Variants in AHR observed in about 807,000 individuals in gnomAD.
The protein encoded by AHR is aryl hydrocarbon receptor.
In AHR, 40 loss-of-function variants were observed where a neutral mutation model predicts 86.8. That is an observed-to-expected ratio of 0.46 (90% CI 0.36 to 0.60). AHR has a LOEUF of 0.60. Ranked by LOEUF, AHR falls within the 20% of genes least tolerant of loss-of-function variation. The pLI, the probability that AHR is intolerant of heterozygous loss-of-function variation, is 0.00. For missense variants in AHR, 1,001 were observed against 1,011.6 expected, an observed-to-expected ratio of 0.99 and a Z score of 0.14; for synonymous variants, 398 against 354.9, an observed-to-expected ratio of 1.12 and a Z score of -1.37.
In AHR at chr7:17,330,761, A is replaced by G; in HGVS notation, c.580A>G (p.Thr194Ala). ...TTTTGCCTTTATTTCTACAGAAGCC[A>G]CTGGTCTCCCCCAGACAGTAGTCTG... Reference protein sequence around the residue: ...TESGQGIEEATGLPQTVVCYN... With the variant: ...TESGQGIEEAAGLPQTVVCYN... The change falls in exon 6 of 11, where the codon ACT (threonine) becomes GCT (alanine). Residue 194 changes from threonine (T) to alanine (A), a missense_variant. By Grantham distance (58) the Thr-to-Ala change is moderately conservative. Transcript: ENST00000242057. The G allele has an allele frequency of 6.4e-7, 1 of 1,572,784 alleles. No individual in the cohort carries two copies. The highest frequency in any genetic ancestry group is 8.6e-7 in the Non-Finnish European group (1 of 1,158,624).
chr7:17,318,717 G>A (rs1782140418), intron 2 of AHR, among the ~76,000 whole-genome samples: 1 of 152,086 alleles, frequency 6.6e-6, no homozygotes, highest in African/African-American at 2.4e-5. Flanking sequence ...TATTTAAAGT[G>A]TCGTTATGCA....
chr7:17,315,512 A>G (rs796107667), intron 2 of AHR, among the ~76,000 whole-genome samples: 8 of 152,102 alleles, frequency 5.3e-5, no homozygotes, highest in African/African-American at 1.9e-4. Flanking sequence ...GCATGGTTCT[A>G]GAATCCTTGC....
At chr7:17,322,123 A>G (rs980717913) in intron 2 of AHR, among the ~76,000 whole-genome samples, 1 of 152,018 alleles carries the variant, frequency 6.6e-6, no homozygotes, top group Non-Finnish European at 1.5e-5. Context: ...AGGTTACATT[A>G]TGGAGAACTT....
intron 1 of AHR, 126 bp downstream of exon 1, chr7:17,299,455 G>C: frequency 2.8e-6 from 3 of 1,086,400 alleles, no homozygotes; most frequent in Non-Finnish European, 3.9e-6. Context: ...GGCACTGCCC[G>C]TGGAATCGAG....
intron 1 of AHR, among the ~76,000 whole-genome samples, chr7:17,302,810 A>AATAT (rs572946925): frequency 3.3e-5 from 5 of 149,756 alleles, no homozygotes; most frequent in African/African-American, 1.2e-4. Context: ...ACAAAAAAAA[A>AATAT]ATATATATAT....
At position 17,319,212 on chromosome 7, in the gene AHR, A is replaced by C. The variant is rs377542715; in HGVS notation, c.254-3289A>C. Among the ~76,000 whole-genome samples the C allele has an allele frequency of 4.6e-5, 7 of 152,286 alleles. No individual in the cohort carries two copies. The East Asian group carries it at 1.4e-3, about 29-fold the overall frequency. ...TCATGGTTTGAGGGTGTATAAAGTCAGCATAGACTTCGTTACCTCTGTCCT... is the reference window on the plus strand; with the variant it reads ...TCATGGTTTGAGGGTGTATAAAGTCCGCATAGACTTCGTTACCTCTGTCCT... On this transcript the variant is annotated intron_variant, in intron 2 of 10. Transcript: ENST00000242057.
At chr7:17,304,907 A>G (rs1435425969) in intron 1 of AHR, among the ~76,000 whole-genome samples, 1 of 152,118 alleles carries the variant, frequency 6.6e-6, no homozygotes. Flanking sequence ...TCGAGGGGGA[A>G]TAAAAATGTG....
At chr7:17,328,940 A>G (rs1196747201) in intron 4 of AHR, among the ~76,000 whole-genome samples, 1 of 151,958 alleles carries the variant, frequency 6.6e-6, no homozygotes, top group African/African-American at 2.4e-5. Flanking sequence ...CTTGCATTCT[A>G]AAGAAAATAC....
chr7:17,315,277 G>A (rs767998488), intron 2 of AHR, among the ~76,000 whole-genome samples: 2 of 151,846 alleles, frequency 1.3e-5, no homozygotes, highest in African/African-American at 2.4e-5. Context: ...TACAGTATAA[G>A]ATTTATTAGA....
At position 17,339,899 on chromosome 7, in the gene AHR, G is replaced by C; in HGVS notation, c.2074G>C (p.Asp692His). The C allele has an allele frequency of 1.2e-6, 2 of 1,614,142 alleles. No individual in the cohort carries two copies. Among genetic ancestry groups the C allele is most frequent in the Non-Finnish European group, 1.7e-6 (2 of 1,180,018 alleles). Reference sequence around the variant, plus strand: ...AGAGTTCCCCTACAAATCTGAAATGGATTCTATGCCTTATACACAGAACTT... The same window carrying C: ...AGAGTTCCCCTACAAATCTGAAATGCATTCTATGCCTTATACACAGAACTT... ...SQEFPYKSEMDSMPYTQNFIS... is the reference protein window; with the variant it reads ...SQEFPYKSEMHSMPYTQNFIS... Residue 692 changes from aspartate (D) to histidine (H), a missense_variant, in exon 10 of 11, where the codon GAT becomes CAT. By Grantham distance (81) the Asp-to-His change is moderately conservative. This residue lies in a region of AHR where 607 missense variants were observed against 543.1 expected (regional missense o/e 1.12). Transcript: ENST00000242057.
At chr7:17,302,579 T>G (rs1781965559) in intron 1 of AHR, among the ~76,000 whole-genome samples, 1 of 151,976 alleles carries the variant, frequency 6.6e-6, no homozygotes, top group African/African-American at 2.4e-5. Context: ...ATAGTAGTTA[T>G]GGACACTTGC....
intron 9 of AHR, among the ~76,000 whole-genome samples, chr7:17,338,062 T>G (rs530995725): frequency 3.3e-5 from 5 of 151,322 alleles, no homozygotes; most frequent in South Asian, 2.1e-4. Context: ...AGCCGGGCGT[T>G]GTAGCGGGCG....
chr7:17,300,784 T>G (rs1322187316), intron 1 of AHR, among the ~76,000 whole-genome samples: 1 of 152,192 alleles, frequency 6.6e-6, no homozygotes, highest in Non-Finnish European at 1.5e-5. Flanking sequence ...GTCTGTTCTA[T>G]GTGTTTATTA....
At chr7:17,309,150 A>G (rs1782036237) in intron 1 of AHR, among the ~76,000 whole-genome samples, 2 of 152,208 alleles carry the variant, frequency 1.3e-5, no homozygotes, top group African/African-American at 4.8e-5. Flanking sequence ...TCTTTGACCC[A>G]TAAGTGTCTT....
chr7:17,309,110 T>C (rs1782035628), intron 1 of AHR, among the ~76,000 whole-genome samples: 2 of 152,220 alleles, frequency 1.3e-5, no homozygotes, highest in Non-Finnish European at 2.9e-5. Flanking sequence ...TGTGAAGTTA[T>C]TCAACTTTTC....
intron 3 of AHR, among the ~76,000 whole-genome samples, chr7:17,324,732 G>A (rs1782210442): frequency 6.6e-6 from 1 of 151,626 alleles, no homozygotes; most frequent in African/African-American, 2.4e-5. Context: ...AAGCCAGGAG[G>A]CAGTAGTTGC....
At chr7:17,308,767 ATTTAC>A (rs1023586302) in intron 1 of AHR, among the ~76,000 whole-genome samples, 1 of 151,984 alleles carries the variant, frequency 6.6e-6, no homozygotes, top group African/African-American at 2.4e-5. Flanking sequence ...TTGTAGAAGT[ATTTAC>A]TTTTCATCTT....
At chr7:17,316,931 A>C (rs991812429) in intron 2 of AHR, among the ~76,000 whole-genome samples, 1 of 152,136 alleles carries the variant, frequency 6.6e-6, no homozygotes, top group Admixed American at 6.6e-5. Context: ...ACTGTTCCAC[A>C]GGGTCTTCAT....
At position 17,345,708 on chromosome 7, in the gene AHR, A is replaced by T. The variant is rs1452586966; in HGVS notation, c.*2644A>T. ...TTAAAAGTTTGAAAAGCAATATTGTATATTTTTATCTATATAAAATAACTA... is the reference window on the plus strand; with the variant it reads ...TTAAAAGTTTGAAAAGCAATATTGTTTATTTTTATCTATATAAAATAACTA... On this transcript the variant is annotated 3_prime_UTR_variant, in exon 11 of 11. Coordinates refer to ENST00000242057, the MANE Select transcript of AHR (RefSeq NM_001621.5). 6.6e-6 allele frequency: 1 copy of T among 152,622 alleles called. No homozygotes were observed. The highest frequency in any genetic ancestry group is 2.4e-5 in the African/African-American group (1 of 41,458). The allele number at this position is 152,622 out of a possible 1,614,324, so 9.5% of individuals were successfully genotyped here.
Sources: allele counts gnomAD v4.1 joint callset (sites outside exome capture counted in the v4.1 genomes callset), GRCh38; gene constraint gnomAD v4.1.1; regional missense constraint gnomAD v4.1.1; transcripts MANE v1.5; gene names NCBI Gene and HGNC (gene_info 2026-07-23, HGNC 2026-07-21).